Variants in DNAJC24 observed in about 807,000 individuals in gnomAD.
DNAJC24 encodes the protein dnaJ homolog subfamily C member 24.
Under a neutral mutation model 18.0 loss-of-function variants are expected in DNAJC24, and 17 were observed. The ratio of observed to expected loss-of-function variants is 0.94; its 90% CI spans 0.65 to 1.42. The LOEUF is 1.42. Among genes scored for constraint, DNAJC24 ranks in the 40% most tolerant of loss-of-function variants. The probability of loss-of-function intolerance (pLI) is 0.00; values close to 1 mark genes in which losing one functional copy is unlikely to be tolerated. For synonymous variants in DNAJC24, 55 were observed against 57.7 expected, an observed-to-expected ratio of 0.95 and a Z score of 0.21; for missense variants, 158 against 175.6, an observed-to-expected ratio of 0.90 and a Z score of 0.57.
chr11:31,403,374 G>C (rs1156958091), intron 2 of DNAJC24, among the ~76,000 whole-genome samples: 3 of 152,096 alleles, frequency 2.0e-5, no homozygotes, highest in Non-Finnish European at 2.9e-5. Context: ...TATATATAAG[G>C]GTTTTTAAAG....
At chr11:31,370,339 T>C (rs908891009) in intron 1 of DNAJC24, among the ~76,000 whole-genome samples, 5 of 152,190 alleles carry the variant, frequency 3.3e-5, no homozygotes, top group South Asian at 2.1e-4. Flanking sequence ...TCGTTCATTT[T>C]GTAAATATTC....
At chr11:31,383,259 G>A (rs953462689) in intron 2 of DNAJC24, among the ~76,000 whole-genome samples, 1 of 151,862 alleles carries the variant, frequency 6.6e-6, no homozygotes, top group African/African-American at 2.4e-5. Context: ...GTTGAGGGCT[G>A]GGGCTGAAAG....
At chr11:31,421,996 C>T in intron 3 of DNAJC24, 1 of 440,372 alleles carries the variant, frequency 2.3e-6, no homozygotes. Flanking sequence ...CTGATGAGTC[C>T]TGCCAGTGTT....
intron 2 of DNAJC24, chr11:31,396,315 G>A (rs1349163592): frequency 8.8e-6 from 4 of 453,412 alleles, no homozygotes; most frequent in Admixed American, 2.4e-5. Flanking sequence ...AAATGTCACT[G>A]TGCTTCTGAG....
intron 2 of DNAJC24, 47 bp downstream of exon 2, chr11:31,370,906 A>G (rs537302446): frequency 2.4e-6 from 3 of 1,259,896 alleles, no homozygotes; most frequent in East Asian, 4.8e-5. Context: ...AAAAAAATCA[A>G]TTTTTATATG....
At chr11:31,429,245 A>C (rs1391372459) in intron 4 of DNAJC24, among the ~76,000 whole-genome samples, 1 of 151,966 alleles carries the variant, frequency 6.6e-6, no homozygotes, top group Non-Finnish European at 1.5e-5. Context: ...AAAAACACAT[A>C]AAGTTAGCTT....
intron 2 of DNAJC24, chr11:31,396,177 A>G: frequency 2.5e-6 from 1 of 392,600 alleles, no homozygotes; most frequent in Middle Eastern, 3.7e-4. Context: ...GACATCTGAT[A>G]CTGTTGTAAG....
chr11:31,409,049 G>A (rs903390640), intron 2 of DNAJC24, among the ~76,000 whole-genome samples: 3 of 152,156 alleles, frequency 2.0e-5, no homozygotes, highest in South Asian at 2.1e-4. Flanking sequence ...GTTGGCAAAT[G>A]TGCTTGAAAG....
At chr11:31,422,844 T>C (rs1040069977) in intron 3 of DNAJC24, among the ~76,000 whole-genome samples, 1 of 152,166 alleles carries the variant, frequency 6.6e-6, no homozygotes, top group Non-Finnish European at 1.5e-5. Context: ...GTAATTGTAG[T>C]GGGGTTTGAG....
At chr11:31,389,001 A>T (rs190902452) in intron 2 of DNAJC24, among the ~76,000 whole-genome samples, 177 of 152,292 alleles carry the variant, frequency 1.2e-3, no homozygotes, top group African/African-American at 3.9e-3. Context: ...AAATCAAAAA[A>T]CATACAATGG....
At chr11:31,372,124 ACT>A (rs1952270753) in intron 2 of DNAJC24, among the ~76,000 whole-genome samples, 4 of 147,480 alleles carry the variant, frequency 2.7e-5, no homozygotes, top group Non-Finnish European at 3.0e-5. Context: ...CACCCGGCCG[ACT>A]CTTTTTTTTT....
chr11:31,388,649 A>C (rs1447676590), intron 2 of DNAJC24, among the ~76,000 whole-genome samples: 3 of 152,208 alleles, frequency 2.0e-5, no homozygotes, highest in African/African-American at 4.8e-5. Flanking sequence ...AAAGTACATT[A>C]ATGAGCAATA....
intron 2 of DNAJC24, among the ~76,000 whole-genome samples, chr11:31,410,144 A>G (rs752529653): frequency 6.6e-6 from 1 of 152,114 alleles, no homozygotes; most frequent in Non-Finnish European, 1.5e-5. Context: ...TGGCCTCCCA[A>G]AGTGCTGGGA....
chr11:31,402,021 G>A (rs1318654926), intron 2 of DNAJC24, among the ~76,000 whole-genome samples: 1 of 152,156 alleles, frequency 6.6e-6, no homozygotes, highest in African/African-American at 2.4e-5. Flanking sequence ...CTTCAAGGTC[G>A]GGATATTTTC....
intron 3 of DNAJC24, among the ~76,000 whole-genome samples, chr11:31,420,151 T>C (rs1248432390): frequency 6.6e-5 from 10 of 152,074 alleles, no homozygotes; most frequent in Admixed American, 5.2e-4. Context: ...TTCCGACTTA[T>C]TACCTATTTC....
chr11:31,403,400 T>G (rs1418180962), intron 2 of DNAJC24, among the ~76,000 whole-genome samples: 1 of 152,054 alleles, frequency 6.6e-6, no homozygotes, highest in African/African-American at 2.4e-5. Flanking sequence ...GAAACAGAGG[T>G]TACGTTACAT....
At chr11:31,395,195 C>G (rs1293183761) in intron 2 of DNAJC24, among the ~76,000 whole-genome samples, 1 of 152,150 alleles carries the variant, frequency 6.6e-6, no homozygotes. Flanking sequence ...ATTCATGTTG[C>G]TGGAAAGGAA....
chr11:31,398,293 A>G (rs1379060593), intron 2 of DNAJC24, among the ~76,000 whole-genome samples: 1 of 151,440 alleles, frequency 6.6e-6, no homozygotes, highest in Non-Finnish European at 1.5e-5. Flanking sequence ...TTCTCTCATC[A>G]TTAGGTATTT....
intron 3 of DNAJC24, among the ~76,000 whole-genome samples, chr11:31,420,789 T>C (rs1952796638): frequency 6.6e-6 from 1 of 152,168 alleles, no homozygotes; most frequent in African/African-American, 2.4e-5. Context: ...ATCACTATTT[T>C]GTATGAGTTG....
Sources: gnomAD v4.1 joint callset for allele counts (sites outside exome capture counted in the v4.1 genomes callset) on GRCh38, gnomAD v4.1.1 for gene constraint, MANE v1.5 for transcripts, NCBI Gene and HGNC (gene_info 2026-07-23, HGNC 2026-07-21) for gene names.